Variants in NOTCH2NLR observed in about 807,000 individuals in gnomAD.
NOTCH2NLR encodes notch 2 N-terminal like R (pseudogene).
A neutral mutation model predicts 35.6 loss-of-function variants in NOTCH2NLR; 33 were observed. The ratio of observed to expected loss-of-function variants is 0.93; its 90% CI spans 0.70 to 1.24. NOTCH2NLR has a LOEUF of 1.24. Among genes scored for constraint, NOTCH2NLR ranks in the 50% most tolerant of loss-of-function variants. The pLI is 0.00. For missense variants in NOTCH2NLR, 276 were observed against 362.2 expected (o/e 0.76, Z 1.93); for synonymous variants, 103 against 141.0 (o/e 0.73, Z 1.91).
In NOTCH2NLR at chr1:120,792,502, G is replaced by A. The variant is rs1277255144; in HGVS notation, c.416-659G>A. On this transcript the variant is annotated intron_variant, in intron 3 of 4. Coordinates refer to ENST00000624419, the Ensembl canonical transcript of NOTCH2NLR. The stretch of plus-strand genomic sequence containing the variant: ...AGTTCACTAGGAAAACAGAAGGGAA[G>A]TTGATTTTTTTTTTTTTGAAATAGA... Among the ~76,000 whole-genome samples, 2 of 107,428 alleles carry A rather than the reference G, an allele frequency of 1.9e-5. 1 individual carries two copies. Among genetic ancestry groups the A allele is most frequent in the Non-Finnish European group, 3.5e-5 (2 of 57,226 alleles). The allele number at this position is 107,428 out of a possible 152,430, so 70.5% of individuals were successfully genotyped here.
downstream of NOTCH2NLR, among the ~76,000 whole-genome samples, chr1:120,794,245 G>A (rs1651530468): frequency 2.6e-5 from 3 of 113,390 alleles, 1 homozygote; most frequent in African/African-American, 5.3e-5. Flanking sequence ...GCAGTGTCGG[G>A]GAGCTTGGGG....
intron 1 of NOTCH2NLR, among the ~76,000 whole-genome samples, chr1:120,757,958 AG>A (rs1293412790): frequency 1.6e-5 from 1 of 61,656 alleles, no homozygotes; most frequent in Admixed American, 1.7e-4. Flanking sequence ...TTACAAGGAT[AG>A]GGGGTGGTGG....
At chr1:120,790,103 C>T (rs1257764850) in intron 3 of NOTCH2NLR, among the ~76,000 whole-genome samples, 1 of 92,678 alleles carries the variant, frequency 1.1e-5, no homozygotes, top group Non-Finnish European at 1.9e-5. Flanking sequence ...GCAAGTTCCA[C>T]CTCCCGGGTT....
intron 2 of NOTCH2NLR, among the ~76,000 whole-genome samples, chr1:120,779,621 C>T (rs1362840750): frequency 2.5e-5 from 3 of 121,548 alleles, no homozygotes; most frequent in South Asian, 2.5e-4. Context: ...TTAGAATATA[C>T]ACCTTTAGTT....
intron 2 of NOTCH2NLR, among the ~76,000 whole-genome samples, chr1:120,766,130 C>G (rs1651192566): frequency 2.4e-5 from 1 of 42,130 alleles, no homozygotes; most frequent in Admixed American, 2.3e-4. Flanking sequence ...ACATGTATCC[C>G]AAAACTTAAA....
intron 2 of NOTCH2NLR, among the ~76,000 whole-genome samples, chr1:120,765,051 G>C (rs1651175017): frequency 1.0e-5 from 1 of 97,806 alleles, no homozygotes; most frequent in Non-Finnish European, 1.9e-5. Flanking sequence ...ATTTTAAGCT[G>C]TGATGACAGT....
intron 1 of NOTCH2NLR, among the ~76,000 whole-genome samples, chr1:120,754,919 G>A (rs1380372344): frequency 2.2e-4 from 28 of 127,782 alleles, no homozygotes; most frequent in African/African-American, 8.6e-4. Flanking sequence ...GTTACACAAA[G>A]TGAAATTCCA....
Position 120,730,474 on chromosome 1 carries a change from C to T in NOTCH2NLR, c.73+6224C>T, listed in dbSNP as rs2101347158. ...CACAAAGACACTTGATAATACTGTC[C>T]TTGATAGGAAGAAGGAAGTGGCTTC... On this transcript the variant is annotated intron_variant, in intron 1 of 4. Transcript: ENST00000624419. Among the ~76,000 whole-genome samples, 3 of 65,658 alleles carry T rather than the reference C, an allele frequency of 4.6e-5. 1 individual carries two copies. Among genetic ancestry groups the T allele is most frequent in the South Asian group, 8.2e-4 (2 of 2,430 alleles). 43.1% of individuals were successfully genotyped at this position (65,658 alleles called of 152,430 possible). A position where few individuals can be genotyped will look rare whatever the true frequency, so the allele number is the denominator to read the frequency against.
In NOTCH2NLR at chr1:120,764,033, G is replaced by T. The variant is rs1289432487; in HGVS notation, c.155+324G>T. Among the ~76,000 whole-genome samples the T allele has an allele frequency of 2.4e-4, 27 of 114,220 alleles. 5 individuals are homozygous for T. The South Asian group carries it at 7.0e-3, about 30-fold the overall frequency. The allele number at this position is 114,220 out of a possible 152,430, so 74.9% of individuals were successfully genotyped here. ...GGAGGCTGAGTTGGGCGAATCACGA[G>T]GTCAGGAGTTCAAGATCAGCCTGGC... is the stretch of plus-strand genomic sequence containing the variant. On this transcript the variant is annotated intron_variant, in intron 2 of 4. Coordinates refer to ENST00000624419, the Ensembl canonical transcript of NOTCH2NLR.
At chr1:120,752,501 T>G (rs1293380953) in intron 1 of NOTCH2NLR, among the ~76,000 whole-genome samples, 6 of 31,674 alleles carry the variant, frequency 1.9e-4, no homozygotes, top group Non-Finnish European at 3.3e-4. Context: ...ATAAAATAAA[T>G]AAAAATTGAA....
At chr1:120,790,313 C>T (rs1190910517) in intron 3 of NOTCH2NLR, among the ~76,000 whole-genome samples, 1 of 112,194 alleles carries the variant, frequency 8.9e-6, no homozygotes, top group Non-Finnish European at 1.7e-5. Flanking sequence ...CACACCGGGC[C>T]GATTCTGATC....
At position 120,761,232 on chromosome 1, in the gene NOTCH2NLR, C is replaced by T. The variant is rs1201130932; in HGVS notation, c.74-2396C>T. The stretch of plus-strand genomic sequence containing the variant: ...GTCAGGACACTTAATAGGAACAGGC[C>T]GTGATTTTTGCACCCATGGCATTCT... On this transcript the variant is annotated intron_variant, in intron 1 of 4. Coordinates refer to ENST00000624419, the Ensembl canonical transcript of NOTCH2NLR. Among the ~76,000 whole-genome samples, 9 of 121,230 alleles carry T rather than the reference C, an allele frequency of 7.4e-5. 2 individuals carry two copies. The highest frequency in any genetic ancestry group is 2.2e-4 in the East Asian group (1 of 4,518). The allele number at this position is 121,230 out of a possible 152,430, so 79.5% of individuals were successfully genotyped here. A position where few individuals can be genotyped will look rare whatever the true frequency, so the allele number is the denominator to read the frequency against.
rs1651482694 is a variant in NOTCH2NLR at position 120,790,690 on chromosome 1, CTT to C, written c.416-2470_416-2469del. Among the ~76,000 whole-genome samples, 2 of 110,704 alleles carry C rather than the reference CTT, an allele frequency of 1.8e-5. 1 individual carries two copies. Among genetic ancestry groups the C allele is most frequent in the Non-Finnish European group, 3.4e-5 (2 of 59,034 alleles). The allele number at this position is 110,704 out of a possible 152,430, so 72.6% of individuals were successfully genotyped here. On this transcript the variant is annotated intron_variant, in intron 3 of 4. Transcript: ENST00000624419. ...TCTCGGCTCACTGCAACCTCCACCT[CTT>C]GGGTTCGAGTGATTCTTGTGCCTCA...
At chr1:120,770,550 A>T (rs1651251379) in intron 2 of NOTCH2NLR, among the ~76,000 whole-genome samples, 1 of 118,260 alleles carries the variant, frequency 8.5e-6, no homozygotes, top group Non-Finnish European at 1.6e-5. Flanking sequence ...GGCAAGTTAA[A>T]GTCTATAATG....
rs1308927226 is a variant in NOTCH2NLR at position 120,793,737 on chromosome 1, C to G, written c.752-10C>G. ...AGTGGCTAGAAAATTGTTTATTGTC[C>G]CTTTTGTAGAAACAGTGAGAAATAA... On this transcript the variant is annotated splice_polypyrimidine_tract_variant and intron_variant, in intron 4 of 4. Transcript: ENST00000624419. 4.1e-6 allele frequency: 3 copies of G among 726,592 alleles called. 1 individual carries two copies. The highest frequency in any genetic ancestry group is 6.9e-6 in the Non-Finnish European group (3 of 434,332). 45.0% of individuals were successfully genotyped at this position (726,592 alleles called of 1,614,324 possible).
In NOTCH2NLR at chr1:120,728,789, G is replaced by A. The variant is rs1230452953; in HGVS notation, c.73+4539G>A. On this transcript the variant is annotated intron_variant, in intron 1 of 4. Coordinates refer to ENST00000624419, the Ensembl canonical transcript of NOTCH2NLR. The stretch of plus-strand genomic sequence containing the variant: ...AACTTGTACTGGATTGAGAGAATAT[G>A]TACATTTAGTAAAGTATATTTGCTT... Among the ~76,000 whole-genome samples, 2 of 113,006 alleles carry A rather than the reference G, an allele frequency of 1.8e-5. 1 individual carries two copies. The highest frequency in any genetic ancestry group is 1.1e-4 in the African/African-American group (2 of 18,904). The allele number at this position is 113,006 out of a possible 152,430, so 74.1% of individuals were successfully genotyped here.
intron 1 of NOTCH2NLR, among the ~76,000 whole-genome samples, chr1:120,752,554 ATTTT>A (rs1188849971): frequency 1.9e-3 from 7 of 3,744 alleles, no homozygotes; most frequent in Non-Finnish European, 4.1e-4. Context: ...ATATATATAT[ATTTT>A]TTTTTTTTTT....
At chr1:120,783,791 T>G (rs1420245541) in intron 2 of NOTCH2NLR, among the ~76,000 whole-genome samples, 2 of 114,648 alleles carry the variant, frequency 1.7e-5, no homozygotes, top group Non-Finnish European at 3.3e-5. Context: ...CAATCCAGAC[T>G]AAGACTTCAC....
chr1:120,754,859 G>T (rs1159323920), intron 1 of NOTCH2NLR, among the ~76,000 whole-genome samples: 1 of 121,898 alleles, frequency 8.2e-6, no homozygotes, highest in South Asian at 2.5e-4. Flanking sequence ...CTTGTTAAAG[G>T]CCTGGAAATT....
Sources: allele counts gnomAD v4.1 joint callset (sites outside exome capture counted in the v4.1 genomes callset), GRCh38; gene constraint gnomAD v4.1.1; transcripts MANE v1.5; gene names NCBI Gene and HGNC (gene_info 2026-07-23, HGNC 2026-07-21).